The following PPP5C variants were observed in gnomAD, a reference collection of about 807,000 sequenced individuals.
The protein encoded by PPP5C is protein phosphatase 5 catalytic subunit.
PPP5C carries 21 observed loss-of-function variants against 66.7 expected under a neutral mutation model. The observed-to-expected ratio is 0.31, with a 90% CI of 0.22 to 0.45. PPP5C has a LOEUF of 0.45. Among genes scored for constraint, PPP5C ranks in the 20% least tolerant of loss-of-function variants. The pLI, the probability that PPP5C is intolerant of heterozygous loss-of-function variation, is 1.00. For missense variants in PPP5C, 464 were observed against 675.9 expected, an observed-to-expected ratio of 0.69 and a Z score of 3.48; for synonymous variants, 246 against 257.4, an observed-to-expected ratio of 0.96 and a Z score of 0.43.
At chr19:46,387,285 G>A in intron 8 of PPP5C, 50 bp downstream of exon 8, 1 of 1,613,052 alleles carries the variant, frequency 6.2e-7, no homozygotes, top group Non-Finnish European at 8.5e-7. Context: ...AGCCACACCT[G>A]GGCAGATGTG....
rs187045996 is a variant in PPP5C at position 46,361,286 on chromosome 19, C to T, written c.363+7297C>T. Among the ~76,000 whole-genome samples the T allele has an allele frequency of 3.2e-4, 48 of 151,292 alleles. 1 individual carries two copies. The South Asian group carries it at 4.2e-3, about 13-fold the overall frequency. ...CTGTGACTACAGGTGCCTGCTACCACGCCCAGCGTATTTTTTGTATTTTTA... is the reference window on the plus strand; with the variant it reads ...CTGTGACTACAGGTGCCTGCTACCATGCCCAGCGTATTTTTTGTATTTTTA... On this transcript the variant is annotated intron_variant, in intron 2 of 12. Coordinates refer to ENST00000012443, the MANE Select transcript of PPP5C (RefSeq NM_006247.4).
Position 46,388,845 on chromosome 19 carries a change from A to C in PPP5C, c.1355+114A>C. On this transcript the variant is annotated intron_variant, in intron 11 of 12. Coordinates refer to ENST00000012443, the MANE Select transcript of PPP5C (RefSeq NM_006247.4). The surrounding 1 kb of genome is among the most constrained non-coding windows in gnomAD (Gnocchi z 4.9). ...TCAAAGACAGGCAAGAGCAGATAAA[A>C]GAACATGACGAACACCCCCGTATGT... 7.5e-7 allele frequency: 1 copy of C among 1,330,032 alleles called. No individual in the cohort carries two copies. The highest frequency in any genetic ancestry group is 1.0e-6 in the Non-Finnish European group (1 of 966,386). 82.4% of individuals were successfully genotyped at this position (1,330,032 alleles called of 1,614,324 possible).
chr19:46,376,317 G>T lies in PPP5C; in HGVS notation c.512-136G>T, dbSNP rs1972694524. The T allele has an allele frequency of 2.6e-6, 3 of 1,148,558 alleles. No homozygotes were observed. Among genetic ancestry groups the T allele is most frequent in the Non-Finnish European group, 2.5e-6 (2 of 812,858 alleles). 71.1% of individuals were successfully genotyped at this position (1,148,558 alleles called of 1,614,324 possible). A position where few individuals can be genotyped will look rare whatever the true frequency, so the allele number is the denominator to read the frequency against. On this transcript the variant is annotated intron_variant, in intron 3 of 12. Transcript: ENST00000012443. The surrounding 1 kb of genome is among the most constrained non-coding windows in gnomAD (Gnocchi z 5.1). ...CTGGGCCAGACCTGACCCAGGAGGG[G>T]ACTCTTCACTCACTCTGTCCCGCTC...
In PPP5C at chr19:46,353,357, C is replaced by T. The variant is rs970853696; in HGVS notation, c.122-391C>T. Reference sequence around the variant, plus strand: ...GGGCCCAGGGATCTGTCCCACCAGCCTCCCTGCCTCATCTCTCCTCCCCCT... The same window carrying T: ...GGGCCCAGGGATCTGTCCCACCAGCTTCCCTGCCTCATCTCTCCTCCCCCT... On this transcript the variant is annotated intron_variant, in intron 1 of 12. Coordinates refer to ENST00000012443, the MANE Select transcript of PPP5C (RefSeq NM_006247.4). 3.3e-5 allele frequency among the ~76,000 whole-genome samples: 5 copies of T among 152,222 alleles called. No individual in the cohort carries two copies. In the East Asian group the frequency reaches 9.6e-4, roughly 29 times the overall value.
chr19:46,390,876 G>C lies in PPP5C; in HGVS notation c.*530G>C. On this transcript the variant is annotated 3_prime_UTR_variant, in exon 13 of 13. Transcript: ENST00000012443. ...CAGCTTGTCTCTGGATGGTGGAGCC[G>C]AAGGAGCTGCCCGGGTTGGGTTACG... is the stretch of plus-strand genomic sequence containing the variant. 8.8e-7 allele frequency: 1 copy of C among 1,141,850 alleles called. No homozygotes were observed. Among genetic ancestry groups the C allele is most frequent in the Non-Finnish European group, 1.1e-6 (1 of 914,588 alleles). 70.7% of individuals were successfully genotyped at this position (1,141,850 alleles called of 1,614,324 possible).
At chr19:46,355,927 G>A (rs945367571) in intron 2 of PPP5C, among the ~76,000 whole-genome samples, 1 of 152,108 alleles carries the variant, frequency 6.6e-6, no homozygotes, top group African/African-American at 2.4e-5. Context: ...CTTTCCCCAG[G>A]GTAAGGAGCA....
chr19:46,367,533 G>T (rs945914059), intron 2 of PPP5C, among the ~76,000 whole-genome samples: 1 of 152,146 alleles, frequency 6.6e-6, no homozygotes, highest in African/African-American at 2.4e-5. Flanking sequence ...TAGGGAAATT[G>T]TAATGCTTGA....
At chr19:46,365,921 G>C (rs140463091) in intron 2 of PPP5C, among the ~76,000 whole-genome samples, 24 of 152,130 alleles carry the variant, frequency 1.6e-4, no homozygotes, top group Non-Finnish European at 2.6e-4. Context: ...GTGAAGCAGC[G>C]GTGGAGAAGG....
chr19:46,356,027 G>T (rs1326626921), intron 2 of PPP5C, among the ~76,000 whole-genome samples: 1 of 152,190 alleles, frequency 6.6e-6, no homozygotes, highest in East Asian at 1.9e-4. Context: ...CTCTGGCCCA[G>T]TCTAGGGCCC....
At chr19:46,355,697 G>A (rs1043836413) in intron 2 of PPP5C, among the ~76,000 whole-genome samples, 1 of 152,182 alleles carries the variant, frequency 6.6e-6, no homozygotes, top group African/African-American at 2.4e-5. Context: ...ATGGTGACAA[G>A]AGGAGTGGCC....
intron 7 of PPP5C, among the ~76,000 whole-genome samples, chr19:46,385,361 G>A (rs1601444242): frequency 6.6e-6 from 1 of 152,154 alleles, no homozygotes; most frequent in African/African-American, 2.4e-5. Context: ...GTAGAGCCCG[G>A]AGCTGAGTGT....
At chr19:46,378,278 T>C (rs1005050577) in intron 4 of PPP5C, among the ~76,000 whole-genome samples, 7 of 152,236 alleles carry the variant, frequency 4.6e-5, no homozygotes, top group African/African-American at 1.7e-4. Context: ...GAGAAGGGTA[T>C]TGTTTAACTC....
At chr19:46,356,581 AGAG>A (rs1054505640) in intron 2 of PPP5C, among the ~76,000 whole-genome samples, 25 of 152,214 alleles carry the variant, frequency 1.6e-4, no homozygotes, top group African/African-American at 5.6e-4. Flanking sequence ...TGAGGCCTAG[AGAG>A]GAGATGTCCC....
At chr19:46,365,043 C>T (rs995030125) in intron 2 of PPP5C, among the ~76,000 whole-genome samples, 5 of 152,146 alleles carry the variant, frequency 3.3e-5, no homozygotes, top group South Asian at 2.1e-4. Context: ...GGTGCAGTGG[C>T]GCAATCTCAG....
At chr19:46,348,396 C>T in intron 1 of PPP5C, among the ~76,000 whole-genome samples, 1 of 150,730 alleles carries the variant, frequency 6.6e-6, no homozygotes, top group South Asian at 2.1e-4. Context: ...TCACTGCAAC[C>T]TCCGCCTCCC....
chr19:46,389,116 G>A (rs977896419), intron 11 of PPP5C, among the ~76,000 whole-genome samples: 6 of 152,072 alleles, frequency 3.9e-5, no homozygotes, highest in African/African-American at 1.4e-4. Context: ...CTGAGGTCAG[G>A]AGTTTGAGAC....
chr19:46,347,369 G>A, intron 1 of PPP5C, 152 bp downstream of exon 1: 1 of 1,274,392 alleles, frequency 7.8e-7, no homozygotes, highest in Non-Finnish European at 1.0e-6. Context: ...GCGCTGCCAA[G>A]GAGCGACATA....
At chr19:46,362,699 T>C (rs1972411458) in intron 2 of PPP5C, among the ~76,000 whole-genome samples, 1 of 152,160 alleles carries the variant, frequency 6.6e-6, no homozygotes. Flanking sequence ...GTTAGGCAAG[T>C]ATCATAGAAG....
At chr19:46,378,171 C>T (rs141540053) in intron 4 of PPP5C, among the ~76,000 whole-genome samples, 273 of 152,294 alleles carry the variant, frequency 1.8e-3, no homozygotes, top group African/African-American at 6.3e-3. Flanking sequence ...AAGTTAGCTG[C>T]GTCCCGTGAA....
Sources: gnomAD v4.1 joint callset for allele counts (sites outside exome capture counted in the v4.1 genomes callset) on GRCh38, gnomAD v4.1.1 for gene constraint, Gnocchi (gnomAD v3.1) non-coding constraint, MANE v1.5 for transcripts, NCBI Gene and HGNC (gene_info 2026-07-23, HGNC 2026-07-21) for gene names.